Variants in PIAS1 observed in about 807,000 individuals in gnomAD.
PIAS1 encodes the protein E3 SUMO-protein ligase PIAS1.
Under a neutral mutation model 71.3 loss-of-function variants are expected in PIAS1, and 6 were observed. The observed-to-expected ratio is 0.08, with a 90% CI of 0.05 to 0.17. PIAS1 has a LOEUF of 0.17. Ranked by LOEUF, PIAS1 falls within the 10% of genes least tolerant of loss-of-function variation. The pLI is 1.00. For missense variants in PIAS1, 555 were observed against 793.6 expected, an observed-to-expected ratio of 0.70 and a Z score of 3.61; for synonymous variants, 303 against 292.9, an observed-to-expected ratio of 1.03 and a Z score of -0.35.
At chr15:68,118,749 CATAT>C (rs1428024648) in intron 2 of PIAS1, among the ~76,000 whole-genome samples, 3 of 152,062 alleles carry the variant, frequency 2.0e-5, no homozygotes, top group Admixed American at 6.6e-5. Flanking sequence ...AACATTTTTT[CATAT>C]ATCTGCTAGC....
intron 2 of PIAS1, among the ~76,000 whole-genome samples, chr15:68,100,374 C>T (rs768964725): frequency 6.6e-6 from 1 of 152,166 alleles, no homozygotes; most frequent in Non-Finnish European, 1.5e-5. Flanking sequence ...CCTAACTGTC[C>T]TGTCACCCAC....
Position 68,071,585 on chromosome 15 carries a change from G to A in PIAS1, c.25-14721G>A, listed in dbSNP as rs558223729. Among the ~76,000 whole-genome samples the A allele has an allele frequency of 3.9e-5, 6 of 152,078 alleles. No homozygotes were observed. In the South Asian group the frequency reaches 1.3e-3, roughly 32 times the overall value. On this transcript the variant is annotated intron_variant, in intron 1 of 13. Transcript: ENST00000249636. The stretch of plus-strand genomic sequence containing the variant: ...CAGTACCAACAAAACAAATAACCAT[G>A]TAAATCTAAGTAGTTAACAATGTAT...
At chr15:68,068,893 CTTTTTTTTTT>C (rs11298983) in intron 1 of PIAS1, among the ~76,000 whole-genome samples, 1 of 76,618 alleles carries the variant, frequency 1.3e-5, no homozygotes, top group East Asian at 3.6e-4. Flanking sequence ...TGTTTTTGTC[CTTTTTTTTTT>C]TTTTTTTTTT....
At chr15:68,151,678 A>C (rs1445387111) in intron 6 of PIAS1, among the ~76,000 whole-genome samples, 1 of 86,108 alleles carries the variant, frequency 1.2e-5, no homozygotes. Flanking sequence ...AAAACAAAAA[A>C]ACAAAACACA....
chr15:68,123,789 T>G (rs2092629774), intron 2 of PIAS1, among the ~76,000 whole-genome samples: 1 of 152,204 alleles, frequency 6.6e-6, no homozygotes, highest in Admixed American at 6.5e-5. Flanking sequence ...AGGAAACTTG[T>G]ATAATTTCTG....
intron 1 of PIAS1, among the ~76,000 whole-genome samples, chr15:68,056,872 G>A (rs894182591): frequency 2.0e-5 from 3 of 151,964 alleles, no homozygotes; most frequent in East Asian, 3.8e-4. Context: ...TTTTTTGGAG[G>A]TAAATATCAT....
At chr15:68,180,662 G>T (rs1351205192) in intron 11 of PIAS1, among the ~76,000 whole-genome samples, 1 of 152,078 alleles carries the variant, frequency 6.6e-6, no homozygotes, top group Non-Finnish European at 1.5e-5. Flanking sequence ...GCTGATAACT[G>T]TACTGGGCAT....
intron 12 of PIAS1, chr15:68,181,677 ATT>A: frequency 1.6e-5 from 3 of 191,132 alleles, no homozygotes; most frequent in Non-Finnish European, 2.2e-5. Context: ...TATGAACATT[ATT>A]TTTTTTTGCC....
intron 6 of PIAS1, among the ~76,000 whole-genome samples, chr15:68,151,953 T>TC (rs1178780586): frequency 3.4e-5 from 3 of 89,206 alleles, no homozygotes; most frequent in African/African-American, 1.2e-4. Flanking sequence ...TTTTTTTTTT[T>TC]TTTTTTTGGG....
rs2093122422 is a variant in PIAS1 at position 68,191,975 on chromosome 15, G to C, written c.*4140G>C. 1 of 152,202 alleles carries C rather than the reference G, an allele frequency of 6.6e-6. No individual in the cohort carries two copies. Among genetic ancestry groups the C allele is most frequent in the Non-Finnish European group, 1.5e-5 (1 of 68,042 alleles). 9.4% of individuals were successfully genotyped at this position (152,202 alleles called of 1,614,324 possible). On this transcript the variant is annotated 3_prime_UTR_variant, in exon 14 of 14. Transcript: ENST00000249636. ...TTGGCAAGTTATATTTCAGATTCCT[G>C]TTAGGCAAATGAGATTCATAAAACT...
intron 5 of PIAS1, 98 bp downstream of exon 5, chr15:68,146,004 C>T: frequency 1.3e-6 from 1 of 779,806 alleles, no homozygotes; most frequent in Non-Finnish European, 2.2e-6. Flanking sequence ...CTTAAGAAAA[C>T]ATTTTTATTT....
At chr15:68,100,214 C>G (rs1332069809) in intron 2 of PIAS1, among the ~76,000 whole-genome samples, 2 of 152,066 alleles carry the variant, frequency 1.3e-5, no homozygotes, top group South Asian at 2.1e-4. Context: ...TTGTTAACAT[C>G]TTTCTTAATA....
chr15:68,144,993 C>T (rs1292412094), intron 4 of PIAS1, among the ~76,000 whole-genome samples: 2 of 151,994 alleles, frequency 1.3e-5, no homozygotes, highest in Non-Finnish European at 2.9e-5. Flanking sequence ...CTATGTAACT[C>T]AGGGGTGCTA....
At chr15:68,066,926 T>A (rs899457105) in intron 1 of PIAS1, among the ~76,000 whole-genome samples, 14 of 152,196 alleles carry the variant, frequency 9.2e-5, no homozygotes, top group Admixed American at 7.2e-4. Context: ...GTCTTCTAAG[T>A]GTGAGTAGGT....
chr15:68,176,657 A>G lies in PIAS1; in HGVS notation c.1481+3A>G, dbSNP rs747619896. 1 of 1,532,890 alleles carries G rather than the reference A, an allele frequency of 6.5e-7. No homozygotes were observed. Among genetic ancestry groups the G allele is most frequent in the South Asian group, 1.3e-5 (1 of 79,548 alleles). The allele number at this position is 1,532,890 out of a possible 1,614,324, so 95.0% of individuals were successfully genotyped here. A position where few individuals can be genotyped will look rare whatever the true frequency, so the allele number is the denominator to read the frequency against. The stretch of plus-strand genomic sequence containing the variant: ...ACATCACCACTAAATAATAAAGGGT[A>G]AGTGCTGAGACATTTAAAAAAAAAA... On this transcript the variant is annotated splice_donor_region_variant and intron_variant, in intron 11 of 13. Coordinates refer to ENST00000249636, the MANE Select transcript of PIAS1 (RefSeq NM_016166.3).
intron 11 of PIAS1, among the ~76,000 whole-genome samples, chr15:68,179,564 C>CTTTTT (rs766344324): frequency 0.054 from 2,160 of 40,002 alleles, 702 homozygotes; most frequent in Middle Eastern, 0.12. Context: ...GTGAAATGTT[C>CTTTTT]TTTTTTTTTT....
At chr15:68,109,706 C>A (rs940287609) in intron 2 of PIAS1, among the ~76,000 whole-genome samples, 1 of 152,302 alleles carries the variant, frequency 6.6e-6, no homozygotes, top group African/African-American at 2.4e-5. Flanking sequence ...AGCCCTTGAC[C>A]AGTCAGCCCT....
chr15:68,182,425 A>AGTGTGTGTGTGTGTGTGT (rs10532167), intron 12 of PIAS1, among the ~76,000 whole-genome samples: 1 of 123,338 alleles, frequency 8.1e-6, no homozygotes, highest in East Asian at 2.3e-4. Flanking sequence ...AGTTACAGCT[A>AGTGTGTGTGTGTGTGTGT]GTGTGTGTGT....
At chr15:68,069,735 C>T (rs1033131724) in intron 1 of PIAS1, among the ~76,000 whole-genome samples, 27 of 145,824 alleles carry the variant, frequency 1.9e-4, no homozygotes, top group African/African-American at 6.4e-4. Flanking sequence ...ACCTGGGAGG[C>T]GGAGCTTGCA....
Sources: allele counts gnomAD v4.1 joint callset (sites outside exome capture counted in the v4.1 genomes callset), GRCh38; gene constraint gnomAD v4.1.1; transcripts MANE v1.5; gene names NCBI Gene and HGNC (gene_info 2026-07-23, HGNC 2026-07-21).